Variants in CLIC4 observed in about 807,000 individuals in gnomAD.
The protein encoded by CLIC4 is chloride intracellular channel protein 4.
CLIC4 carries 13 observed loss-of-function variants against 24.6 expected under a neutral mutation model. That is an observed-to-expected ratio of 0.53 (90% CI 0.34 to 0.84). CLIC4 has a LOEUF of 0.84. Among genes scored for constraint, CLIC4 ranks in the 40% least tolerant of loss-of-function variants. CLIC4 has a pLI of 0.01. For missense variants in CLIC4, 227 were observed against 301.7 expected (o/e 0.75, Z 1.83); for synonymous variants, 104 against 111.3 (o/e 0.93, Z 0.41).
At position 24,844,215 on chromosome 1, in the gene CLIC4, CA is replaced by C. The variant is rs1395525830; in HGVS notation, c.*3279del. The C allele has an allele frequency of 2.0e-5, 3 of 152,518 alleles. No homozygotes were observed. Among genetic ancestry groups the C allele is most frequent in the Admixed American group, 2.0e-4 (3 of 15,272 alleles). The allele number at this position is 152,518 out of a possible 1,614,324, so 9.4% of individuals were successfully genotyped here. On this transcript the variant is annotated 3_prime_UTR_variant, in exon 6 of 6. Coordinates refer to ENST00000374379, the MANE Select transcript of CLIC4 (RefSeq NM_013943.3). ...TCTTTTATCTTTGGAACATCAGCAC[CA>C]GTATATTGCTGGCAGCTATTGTATT... is the stretch of plus-strand genomic sequence containing the variant.
At chr1:24,839,810 G>C in intron 4 of CLIC4, 50 bp from the exon 5 acceptor site, 1 of 1,502,502 alleles carries the variant, frequency 6.7e-7, no homozygotes, top group Non-Finnish European at 9.1e-7. Context: ...TTGGGGACTT[G>C]AGTGGTTTTC....
At chr1:24,805,655 C>T (rs1220847968) in intron 2 of CLIC4, among the ~76,000 whole-genome samples, 1 of 151,986 alleles carries the variant, frequency 6.6e-6, no homozygotes, top group Non-Finnish European at 1.5e-5. Flanking sequence ...CTTTTTTCTT[C>T]GTTGGGCAAG....
At chr1:24,837,005 G>T (rs2124176686) in intron 4 of CLIC4, among the ~76,000 whole-genome samples, 1 of 152,246 alleles carries the variant, frequency 6.6e-6, no homozygotes, top group African/African-American at 2.4e-5. Flanking sequence ...GAATTTTTTA[G>T]TTCCAAAAGC....
At chr1:24,758,653 C>T (rs950157397) in intron 1 of CLIC4, among the ~76,000 whole-genome samples, 4 of 151,972 alleles carry the variant, frequency 2.6e-5, no homozygotes, top group Non-Finnish European at 4.4e-5. Context: ...GACAGGGTTT[C>T]GCCGTTGTTC....
intron 1 of CLIC4, among the ~76,000 whole-genome samples, chr1:24,757,776 CT>C (rs950365917): frequency 6.6e-6 from 1 of 151,000 alleles, no homozygotes; most frequent in African/African-American, 2.4e-5. Flanking sequence ...TCTTTTCTTT[CT>C]TTTTTTTTGA....
chr1:24,755,653 A>G (rs1197456659), intron 1 of CLIC4, among the ~76,000 whole-genome samples: 8 of 151,808 alleles, frequency 5.3e-5, no homozygotes, highest in Non-Finnish European at 7.4e-5. Flanking sequence ...TTAGCCTTAT[A>G]TGGTTTCTGT....
At chr1:24,829,075 T>C (rs941141705) in intron 4 of CLIC4, among the ~76,000 whole-genome samples, 1 of 152,164 alleles carries the variant, frequency 6.6e-6, no homozygotes, top group Non-Finnish European at 1.5e-5. Flanking sequence ...TCCTAGGAAA[T>C]TAGTGATTCT....
At chr1:24,746,855 G>C (rs1024419473) in intron 1 of CLIC4, among the ~76,000 whole-genome samples, 7 of 152,152 alleles carry the variant, frequency 4.6e-5, no homozygotes, top group Non-Finnish European at 5.9e-5. Context: ...AATTAGCTGG[G>C]AGCGATGTTA....
intron 1 of CLIC4, chr1:24,778,049 G>A (rs535733465): frequency 3.3e-5 from 5 of 152,288 alleles, no homozygotes; most frequent in African/African-American, 9.6e-5. Flanking sequence ...TATATTGGTC[G>A]TAGCTCTGGC....
At chr1:24,800,827 T>C (rs368474347) in intron 2 of CLIC4, among the ~76,000 whole-genome samples, 1 of 152,068 alleles carries the variant, frequency 6.6e-6, no homozygotes, top group Non-Finnish European at 1.5e-5. Flanking sequence ...GGATTAAGGG[T>C]GGTGCAAGAT....
chr1:24,768,655 G>A (rs956823340), intron 1 of CLIC4, among the ~76,000 whole-genome samples: 2 of 152,106 alleles, frequency 1.3e-5, no homozygotes, highest in African/African-American at 4.8e-5. Flanking sequence ...GCTCACGCCT[G>A]TAATCCCTGT....
intron 1 of CLIC4, among the ~76,000 whole-genome samples, chr1:24,786,777 C>T (rs1321979869): frequency 6.6e-6 from 1 of 151,944 alleles, no homozygotes; most frequent in Non-Finnish European, 1.5e-5. Flanking sequence ...ACCACCACAC[C>T]CGGCTAATTT....
intron 4 of CLIC4, among the ~76,000 whole-genome samples, chr1:24,836,914 T>A (rs922870727): frequency 6.6e-6 from 1 of 152,196 alleles, no homozygotes; most frequent in African/African-American, 2.4e-5. Flanking sequence ...TTCTAAATAA[T>A]CCACAGATTG....
intron 3 of CLIC4, among the ~76,000 whole-genome samples, chr1:24,823,950 T>C (rs548698903): frequency 2.1e-4 from 32 of 152,316 alleles, no homozygotes; most frequent in African/African-American, 5.8e-4. Context: ...TAAGGACTTA[T>C]CTGAAAGTCT....
chr1:24,771,537 CT>C (rs1247078188), intron 1 of CLIC4, among the ~76,000 whole-genome samples: 6 of 152,024 alleles, frequency 3.9e-5, no homozygotes, highest in Admixed American at 2.6e-4. Context: ...TATCTACCCC[CT>C]ACCACAAACC....
At chr1:24,751,531 C>T (rs1384545630) in intron 1 of CLIC4, among the ~76,000 whole-genome samples, 1 of 152,136 alleles carries the variant, frequency 6.6e-6, no homozygotes, top group African/African-American at 2.4e-5. Context: ...AGCCACCGTG[C>T]CAGTCTTTTA....
chr1:24,797,120 ATTT>A lies in CLIC4; in HGVS notation c.73-617_73-615del, dbSNP rs570142799. On this transcript the variant is annotated intron_variant, in intron 1 of 5. Transcript: ENST00000374379. ...AGGCACCCACCACCACACCTGGCTA[ATTT>A]TTTTATTTTTAGTAGAGATGGGGTT... Among the ~76,000 whole-genome samples, 1,062 of 150,890 alleles carry A rather than the reference ATTT, an allele frequency of 7.0e-3. 10 individuals carry two copies. The highest frequency in any genetic ancestry group is 0.025 in the African/African-American group (1,014 of 41,306).
At chr1:24,775,070 GAA>G (rs112547782) in intron 1 of CLIC4, among the ~76,000 whole-genome samples, 5 of 126,784 alleles carry the variant, frequency 3.9e-5, no homozygotes, top group African/African-American at 2.8e-5. Context: ...GACTCCATCT[GAA>G]AAAAAAAAAA....
At chr1:24,808,878 A>G (rs1012017204) in intron 2 of CLIC4, among the ~76,000 whole-genome samples, 1 of 151,892 alleles carries the variant, frequency 6.6e-6, no homozygotes, top group Non-Finnish European at 1.5e-5. Flanking sequence ...GGGTTTCACA[A>G]TGTCGGCCAG....
Sources: gnomAD v4.1 joint callset for allele counts (sites outside exome capture counted in the v4.1 genomes callset) on GRCh38, gnomAD v4.1.1 for gene constraint, MANE v1.5 for transcripts, NCBI Gene and HGNC (gene_info 2026-07-23, HGNC 2026-07-21) for gene names.